The following PRSS23 variants were observed in gnomAD, a reference collection of about 807,000 sequenced individuals.
PRSS23 encodes the protein serine protease 23.
Under a neutral mutation model 34.7 loss-of-function variants are expected in PRSS23, and 25 were observed. The ratio of observed to expected loss-of-function variants is 0.72; its 90% CI spans 0.53 to 1.01. The LOEUF is 1.01. PRSS23 is among the 50% of genes least tolerant of loss of function. The pLI, the probability that PRSS23 is intolerant of heterozygous loss-of-function variation, is 0.00. For synonymous variants in PRSS23, 176 were observed against 186.6 expected (o/e 0.94, Z 0.46); for missense variants, 445 against 475.6 (o/e 0.94, Z 0.60).
chr11:86,903,790 A>G (rs1234371953), intron 2 of PRSS23, among the ~76,000 whole-genome samples: 2 of 152,050 alleles, frequency 1.3e-5, no homozygotes, highest in African/African-American at 4.8e-5. Context: ...GACTACATAT[A>G]ATCTTTTAAA....
intron 2 of PRSS23, among the ~76,000 whole-genome samples, chr11:86,841,350 A>AG (rs1327023134): frequency 6.2e-4 from 82 of 132,878 alleles, no homozygotes; most frequent in Admixed American, 2.0e-3. Flanking sequence ...AAAAAAAAAA[A>AG]AAGAAGAAGA....
At chr11:86,904,726 T>G (rs1948931234) in intron 2 of PRSS23, among the ~76,000 whole-genome samples, 1 of 152,080 alleles carries the variant, frequency 6.6e-6, no homozygotes, top group African/African-American at 2.4e-5. Flanking sequence ...AACATATAAA[T>G]AAATGAGTAA....
At chr11:86,847,778 A>G (rs1239239423) in intron 2 of PRSS23, among the ~76,000 whole-genome samples, 2 of 152,212 alleles carry the variant, frequency 1.3e-5, no homozygotes, top group African/African-American at 2.4e-5. Context: ...TATTAATTAT[A>G]ACACCCTTCT....
chr11:86,879,220 C>T (rs1177019621), intron 2 of PRSS23, among the ~76,000 whole-genome samples: 2 of 147,738 alleles, frequency 1.4e-5, no homozygotes, highest in Non-Finnish European at 1.5e-5. Context: ...ATGTGGGGAG[C>T]GCCTCTGCCC....
At chr11:86,806,594 AT>A (rs1393065086) in intron 1 of PRSS23, among the ~76,000 whole-genome samples, 2 of 152,090 alleles carry the variant, frequency 1.3e-5, no homozygotes, top group Non-Finnish European at 2.9e-5. Context: ...GTGGCATACT[AT>A]TTCTCAAGCA....
chr11:86,902,970 G>GA (rs1199796480), intron 2 of PRSS23, among the ~76,000 whole-genome samples: 2 of 152,128 alleles, frequency 1.3e-5, no homozygotes, highest in African/African-American at 4.8e-5. Context: ...TCCAAAATAT[G>GA]AAAAATAACA....
chr11:86,807,035 C>T (rs1590870401), intron 1 of PRSS23, among the ~76,000 whole-genome samples: 1 of 152,112 alleles, frequency 6.6e-6, no homozygotes, highest in African/African-American at 2.4e-5. Context: ...AACAAAAAAT[C>T]TCATACCCTT....
At chr11:86,908,156 A>G (rs189768103) in intron 2 of PRSS23, among the ~76,000 whole-genome samples, 1 of 152,338 alleles carries the variant, frequency 6.6e-6, no homozygotes, top group Admixed American at 6.5e-5. Flanking sequence ...ATTGTGAATA[A>G]TGCTGCAATG....
At chr11:86,848,035 C>T (rs776343045) in intron 2 of PRSS23, among the ~76,000 whole-genome samples, 3 of 152,186 alleles carry the variant, frequency 2.0e-5, no homozygotes, top group South Asian at 2.1e-4. Context: ...ACGTAAACTC[C>T]GAGAGCCAGG....
chr11:86,861,055 C>T (rs757709230), intron 2 of PRSS23, among the ~76,000 whole-genome samples: 1 of 151,828 alleles, frequency 6.6e-6, no homozygotes, highest in Non-Finnish European at 1.5e-5. Context: ...CCCTCTGTCA[C>T]ATTGTTCGTA....
chr11:86,926,002 TA>T (rs1949078900), intron 2 of PRSS23, among the ~76,000 whole-genome samples: 1 of 152,192 alleles, frequency 6.6e-6, no homozygotes, highest in Admixed American at 6.5e-5. Context: ...CATCAGAAAG[TA>T]AAGAATAAAA....
intron 2 of PRSS23, among the ~76,000 whole-genome samples, chr11:86,888,044 C>T (rs1948815706): frequency 6.7e-6 from 1 of 149,038 alleles, no homozygotes; most frequent in African/African-American, 2.5e-5. Context: ...AAGAGTGAAA[C>T]TCTGTCTCAA....
chr11:86,948,227 T>G (rs1292138615), intron 2 of PRSS23: 1 of 152,074 alleles, frequency 6.6e-6, no homozygotes, highest in Admixed American at 6.6e-5. Flanking sequence ...ATTTATGGAA[T>G]GGAGACAGTG....
intron 2 of PRSS23, among the ~76,000 whole-genome samples, chr11:86,944,592 C>G (rs960949079): frequency 1.3e-5 from 2 of 152,146 alleles, no homozygotes; most frequent in African/African-American, 4.8e-5. Flanking sequence ...CAGACCTGCC[C>G]TACTGACTTC....
intron 2 of PRSS23, among the ~76,000 whole-genome samples, chr11:86,836,269 C>T (rs148272076): frequency 0.013 from 1,988 of 152,178 alleles, 24 homozygotes; most frequent in Non-Finnish European, 0.021. Flanking sequence ...TTTTACTAGG[C>T]CTTGGGCTTT....
chr11:86,860,844 A>G (rs1948608033), intron 2 of PRSS23, among the ~76,000 whole-genome samples: 1 of 151,788 alleles, frequency 6.6e-6, no homozygotes, highest in Non-Finnish European at 1.5e-5. Context: ...TTTTCCTAAT[A>G]TCCAGAGGGA....
chr11:86,870,476 C>G (rs374415144), intron 2 of PRSS23, among the ~76,000 whole-genome samples: 1 of 152,148 alleles, frequency 6.6e-6, no homozygotes, highest in African/African-American at 2.4e-5. Flanking sequence ...TGAGCTAGAA[C>G]AGGCATGGAG....
intron 1 of PRSS23, chr11:86,821,617 C>T (rs1340123062): frequency 3.7e-6 from 6 of 1,600,144 alleles, no homozygotes; most frequent in East Asian, 4.5e-5. Context: ...AATGTTCATA[C>T]TTCCATAACT....
In PRSS23 at chr11:86,827,906, A is replaced by G. The variant is rs571492137; in HGVS notation, c.206+4313A>G. 5.3e-5 allele frequency among the ~76,000 whole-genome samples: 8 copies of G among 152,280 alleles called. No individual in the cohort carries two copies. In the East Asian group the frequency reaches 1.5e-3, roughly 29 times the overall value. ...TTTTACATTTGCTGAGGAGAGCTTT[A>G]CTTCCAACTATGTGACCAATTTTGG... On this transcript the variant is annotated intron_variant, in intron 2 of 2. Coordinates refer to the PRSS23 transcript ENST00000533902.
Sources: gnomAD v4.1 joint callset for allele counts (sites outside exome capture counted in the v4.1 genomes callset) on GRCh38, gnomAD v4.1.1 for gene constraint, MANE v1.5 for transcripts, NCBI Gene and HGNC (gene_info 2026-07-23, HGNC 2026-07-21) for gene names.